MYO16: variants seen among roughly 807,000 people sequenced by gnomAD.
MYO16 encodes myosin XVI.
A neutral mutation model predicts 205.3 loss-of-function variants in MYO16; 94 were observed. That is an observed-to-expected ratio of 0.46 (90% CI 0.39 to 0.54). The LOEUF (loss-of-function observed/expected upper bound fraction) is 0.54. Among genes scored for constraint, MYO16 ranks in the 20% least tolerant of loss-of-function variants. The pLI is 0.00. For synonymous variants in MYO16, 988 were observed against 954.0 expected, an observed-to-expected ratio of 1.04 and a Z score of -0.66; for missense variants, 2,315 against 2,387.5, an observed-to-expected ratio of 0.97 and a Z score of 0.63.
At chr13:108,570,243 C>G in the MYO16 span, among the ~76,000 whole-genome samples, 1 of 151,720 alleles carries the variant, frequency 6.6e-6, no homozygotes, top group Admixed American at 6.6e-5. Flanking sequence ...CTTCCTTTTC[C>G]TTTTTTCTTT....
chr13:108,898,206 T>C, intron 15 of MYO16, 73 bp downstream of exon 15: 1 of 1,134,614 alleles, frequency 8.8e-7, no homozygotes, highest in Non-Finnish European at 1.3e-6. Context: ...ACAGGCACGC[T>C]ATGGACACAC....
intron 6 of MYO16, among the ~76,000 whole-genome samples, chr13:108,800,046 T>C (rs1221965735): frequency 2.0e-5 from 3 of 152,136 alleles, no homozygotes; most frequent in African/African-American, 7.2e-5. Context: ...AGCCTTAGCC[T>C]GTACCAGGTC....
At chr13:108,842,201 A>T (rs1877278989) in intron 9 of MYO16, among the ~76,000 whole-genome samples, 5 of 152,164 alleles carry the variant, frequency 3.3e-5, no homozygotes, top group Admixed American at 3.3e-4. Flanking sequence ...AGATGACAAA[A>T]GAAAAAATAA....
intron 33 of MYO16, among the ~76,000 whole-genome samples, chr13:109,178,803 A>G (rs2139913481): frequency 6.6e-6 from 1 of 152,306 alleles, no homozygotes; most frequent in Admixed American, 6.5e-5. Flanking sequence ...TGCATGGGGC[A>G]GACCCCACTG....
In MYO16 at chr13:108,844,358, A is replaced by C; in HGVS notation, c.1113A>C (p.Leu371Phe). Residue 371 changes from leucine to phenylalanine, a missense_variant, in exon 10 of 35, where the codon TTA (leucine) becomes TTC (phenylalanine). Coordinates refer to ENST00000457511, the MANE Select transcript of MYO16 (RefSeq NM_001198950.3). ...VLSSKLSPLV[L>F]PIAKQDSLLE... ...TTTCCTGTAGCAGTCCCCTGGTGTT[A>C]CCAATTGCCAAGCAAGACAGTTTGT... 6.2e-7 allele frequency: 1 copy of C among 1,612,668 alleles called. No individual in the cohort carries two copies. The highest frequency in any genetic ancestry group is 8.5e-7 in the Non-Finnish European group (1 of 1,179,112).
the MYO16 span, among the ~76,000 whole-genome samples, chr13:108,552,578 C>T: frequency 2.0e-5 from 3 of 152,116 alleles, no homozygotes; most frequent in Non-Finnish European, 4.4e-5. Context: ...GTGCATCCAA[C>T]CTGTTTGTGT....
chr13:108,924,509 A>G (rs930275800), intron 16 of MYO16, among the ~76,000 whole-genome samples: 5 of 152,230 alleles, frequency 3.3e-5, no homozygotes, highest in African/African-American at 9.6e-5. Flanking sequence ...ATAGGAAGAA[A>G]TGATCATTAT....
At chr13:108,751,046 T>C (rs1227224585) in intron 4 of MYO16, among the ~76,000 whole-genome samples, 2 of 133,888 alleles carry the variant, frequency 1.5e-5, no homozygotes, top group Non-Finnish European at 3.2e-5. Context: ...TGTATAAATA[T>C]ATATATATGT....
intron 16 of MYO16, among the ~76,000 whole-genome samples, chr13:108,950,065 G>A (rs1055773069): frequency 2.0e-5 from 3 of 151,764 alleles, no homozygotes; most frequent in Admixed American, 2.0e-4. Flanking sequence ...AGACCTAAAT[G>A]TAAAGCATAA....
chr13:109,141,765 G>T lies in MYO16; in HGVS notation c.5164+389G>T, dbSNP rs1330152223. Among the ~76,000 whole-genome samples the T allele has an allele frequency of 1.3e-5, 2 of 152,058 alleles. No individual in the cohort carries two copies. Among genetic ancestry groups the T allele is most frequent in the Non-Finnish European group, 2.9e-5 (2 of 68,030 alleles). On this transcript the variant is annotated intron_variant, in intron 32 of 34. Transcript: ENST00000457511. The surrounding 1 kb of genome is among the most constrained non-coding windows in gnomAD (Gnocchi z 4.1). ...GTGTATGTTTCTATCGCCGATTTCCGTTTGATGTACAGTTCACAGCTAATC... is the reference window on the plus strand; with the variant it reads ...GTGTATGTTTCTATCGCCGATTTCCTTTTGATGTACAGTTCACAGCTAATC...
chr13:108,557,986 T>G, the MYO16 span, among the ~76,000 whole-genome samples: 1 of 152,292 alleles, frequency 6.6e-6, no homozygotes, highest in Admixed American at 6.5e-5. Context: ...TAATTGGAAT[T>G]AAGCAACCAT....
chr13:108,772,425 C>A (rs1409939757), intron 4 of MYO16, among the ~76,000 whole-genome samples: 1 of 152,072 alleles, frequency 6.6e-6, no homozygotes, highest in Non-Finnish European at 1.5e-5. Flanking sequence ...ATTTTGCATT[C>A]CCACAAGCAA....
intron 2 of MYO16, among the ~76,000 whole-genome samples, chr13:108,684,158 G>T (rs530445017): frequency 6.6e-6 from 1 of 152,224 alleles, no homozygotes; most frequent in Non-Finnish European, 1.5e-5. Context: ...ACAGGCGTGA[G>T]CCACCGCGCC....
At chr13:108,774,040 G>A (rs781643742) in intron 4 of MYO16, among the ~76,000 whole-genome samples, 6 of 152,058 alleles carry the variant, frequency 3.9e-5, no homozygotes, top group East Asian at 1.9e-4. Context: ...GCAGTGACCC[G>A]AGATTGCGCC....
At chr13:109,143,945 G>C (rs1455672682) in intron 32 of MYO16, among the ~76,000 whole-genome samples, 1 of 151,888 alleles carries the variant, frequency 6.6e-6, no homozygotes, top group African/African-American at 2.4e-5. Context: ...TACCAGACCA[G>C]GTCATCCCTG....
intron 7 of MYO16, among the ~76,000 whole-genome samples, chr13:108,816,024 A>G (rs1412569303): frequency 6.6e-6 from 1 of 152,196 alleles, no homozygotes; most frequent in Non-Finnish European, 1.5e-5. Context: ...ATTTCCTATG[A>G]AAGTCTCAAG....
At chr13:108,936,531 G>C (rs1013687243) in intron 16 of MYO16, among the ~76,000 whole-genome samples, 1 of 152,082 alleles carries the variant, frequency 6.6e-6, no homozygotes, top group African/African-American at 2.4e-5. Flanking sequence ...ATAACAGTCT[G>C]TGAGGATCAT....
intron 15 of MYO16, among the ~76,000 whole-genome samples, chr13:108,902,730 T>A (rs1001632098): frequency 6.6e-6 from 1 of 152,144 alleles, no homozygotes; most frequent in Non-Finnish European, 1.5e-5. Flanking sequence ...GTGCCTCTTC[T>A]CTTCTCCAAA....
At chr13:108,814,965 G>C (rs1875482918) in intron 7 of MYO16, among the ~76,000 whole-genome samples, 1 of 152,054 alleles carries the variant, frequency 6.6e-6, no homozygotes, top group African/African-American at 2.4e-5. Context: ...GGCAAGGTTA[G>C]GAAAGGAGAA....
Sources: allele counts gnomAD v4.1 joint callset (sites outside exome capture counted in the v4.1 genomes callset), GRCh38; gene constraint gnomAD v4.1.1; non-coding constraint Gnocchi (gnomAD v3.1); transcripts MANE v1.5; gene names NCBI Gene and HGNC (gene_info 2026-07-23, HGNC 2026-07-21).